MTHFD1L: variants seen among roughly 807,000 people sequenced by gnomAD.
MTHFD1L encodes the protein methylenetetrahydrofolate dehydrogenase (NADP+ dependent) 1 like.
Under a neutral mutation model 119.5 loss-of-function variants are expected in MTHFD1L, and 81 were observed. The observed-to-expected ratio is 0.68, with a 90% confidence interval of 0.57 to 0.82. The LOEUF is 0.82. Ranked by LOEUF, MTHFD1L falls within the 40% of genes least tolerant of loss-of-function variation. The pLI is 0.00. For missense variants in MTHFD1L, 1,125 were observed against 1,253.4 expected (o/e 0.90, Z 1.55); for synonymous variants, 430 against 475.2 (o/e 0.90, Z 1.24).
intron 26 of MTHFD1L, among the ~76,000 whole-genome samples, chr6:151,043,456 G>A (rs1425311054): frequency 6.6e-6 from 1 of 151,706 alleles, no homozygotes; most frequent in Non-Finnish European, 1.5e-5. Context: ...CAAAGAGACT[G>A]GGGTCTCACC....
intron 8 of MTHFD1L, among the ~76,000 whole-genome samples, chr6:150,906,716 C>T (rs747001086): frequency 7.9e-5 from 12 of 152,208 alleles, no homozygotes; most frequent in Non-Finnish European, 1.6e-4. Flanking sequence ...CCTTCTCCTC[C>T]ACCAGGACCA....
At chr6:151,040,722 A>G (rs548102813) in intron 26 of MTHFD1L, among the ~76,000 whole-genome samples, 8 of 152,306 alleles carry the variant, frequency 5.3e-5, no homozygotes, top group South Asian at 4.1e-4. Flanking sequence ...AAATGAAATA[A>G]AATAATAAAA....
chr6:150,886,834 A>AT (rs1289042250), intron 6 of MTHFD1L, among the ~76,000 whole-genome samples: 2 of 149,958 alleles, frequency 1.3e-5, no homozygotes, highest in South Asian at 2.1e-4. Context: ...ACCAAAAAAA[A>AT]TTTTTTTTTT....
chr6:151,034,511 A>T lies in MTHFD1L; in HGVS notation c.2605A>T (p.Ile869Leu). ...YDVQVPIVDK[I>L]RTIAQAVYGA... ...TCTCCAGGTTCCAATTGTGGACAAG[A>T]TAAGGACCATTGCTCAGGCTGTCTA... The change falls in exon 25 of 28, where the codon ATA (isoleucine) becomes TTA (leucine). Residue 869 changes from isoleucine to leucine, a missense_variant. Coordinates refer to ENST00000367321, the MANE Select transcript of MTHFD1L (RefSeq NM_015440.5). 1 of 1,611,112 alleles carries T rather than the reference A, an allele frequency of 6.2e-7. No homozygotes were observed.
chr6:150,885,940 C>CCT (rs1782177427), intron 6 of MTHFD1L, among the ~76,000 whole-genome samples: 2 of 152,064 alleles, frequency 1.3e-5, no homozygotes, highest in Admixed American at 6.6e-5. Flanking sequence ...TTGGGAGATA[C>CCT]AGATGAATAC....
intron 24 of MTHFD1L, among the ~76,000 whole-genome samples, chr6:151,026,496 A>G (rs1304184453): frequency 6.6e-6 from 1 of 152,250 alleles, no homozygotes; most frequent in Non-Finnish European, 1.5e-5. Context: ...TGTGATAGAA[A>G]GTGGCAGTGG....
At chr6:151,016,281 G>A (rs532686338) in intron 24 of MTHFD1L, among the ~76,000 whole-genome samples, 1 of 152,154 alleles carries the variant, frequency 6.6e-6, no homozygotes, top group African/African-American at 2.4e-5. Flanking sequence ...AGGAACAAGA[G>A]CAATTTCGTG....
chr6:150,904,767 G>C (rs1036704608), intron 7 of MTHFD1L, among the ~76,000 whole-genome samples: 2 of 152,140 alleles, frequency 1.3e-5, no homozygotes, highest in Non-Finnish European at 2.9e-5. Context: ...TCCCGCACTG[G>C]ATGATCAAAA....
At chr6:150,869,034 C>T (rs924783387) in intron 1 of MTHFD1L, among the ~76,000 whole-genome samples, 1 of 152,184 alleles carries the variant, frequency 6.6e-6, no homozygotes. Context: ...GCACTGCAGC[C>T]TGGGCAATGG....
At chr6:151,095,876 AC>A (rs1474504642) in intron 27 of MTHFD1L, among the ~76,000 whole-genome samples, 2 of 152,090 alleles carry the variant, frequency 1.3e-5, no homozygotes, top group Admixed American at 6.5e-5. Context: ...TCATTTTGCC[AC>A]CCCCATCACA....
chr6:151,008,798 C>G (rs1781760407), intron 20 of MTHFD1L, among the ~76,000 whole-genome samples: 1 of 152,094 alleles, frequency 6.6e-6, no homozygotes, highest in South Asian at 2.1e-4. Context: ...CTGGGTGGCA[C>G]TAAAATAAAT....
At chr6:151,005,199 C>T (rs571545076) in intron 20 of MTHFD1L, among the ~76,000 whole-genome samples, 105 of 152,188 alleles carry the variant, frequency 6.9e-4, no homozygotes, top group Admixed American at 1.1e-3. Flanking sequence ...CCCCTTCTCA[C>T]GAGATGGGTC....
rs77158942 is a variant in MTHFD1L, at chr6:150,875,920, G to C, written c.228-170G>C. 2,550 of 573,522 alleles carry C rather than the reference G, an allele frequency of 4.4e-3. 10 individuals carry two copies. The highest frequency in any genetic ancestry group is 6.0e-3 in the Non-Finnish European group (1,909 of 318,698). The allele number at this position is 573,522 out of a possible 1,614,324, so 35.5% of individuals were successfully genotyped here. On this transcript the variant is annotated intron_variant, in intron 1 of 27. Transcript: ENST00000367321. ...GCATTTTACCTTGTGTTAGTGTCTT[G>C]ATTTCATTGTTACGCCGCCTACCCC...
At chr6:150,904,774 A>G (rs1242306560) in intron 7 of MTHFD1L, among the ~76,000 whole-genome samples, 1 of 152,206 alleles carries the variant, frequency 6.6e-6, no homozygotes, top group Non-Finnish European at 1.5e-5. Context: ...CTGGATGATC[A>G]AAATGCAAAT....
intron 26 of MTHFD1L, among the ~76,000 whole-genome samples, chr6:151,080,879 C>T (rs1000318608): frequency 2.0e-5 from 3 of 152,106 alleles, no homozygotes; most frequent in Non-Finnish European, 4.4e-5. Context: ...GGATTAGGGC[C>T]CCATGCTTAT....
intron 26 of MTHFD1L, among the ~76,000 whole-genome samples, chr6:151,082,476 C>T (rs1372570201): frequency 6.6e-6 from 1 of 152,158 alleles, no homozygotes; most frequent in South Asian, 2.1e-4. Flanking sequence ...CTACAGAAAG[C>T]GTGACTTGTA....
chr6:150,898,984 T>C, intron 7 of MTHFD1L: 2 of 1,029,536 alleles, frequency 1.9e-6, no homozygotes, highest in Non-Finnish European at 2.3e-6. Context: ...GTCATTAAAG[T>C]ATATCCATTC....
At position 151,009,881 on chromosome 6, in the gene MTHFD1L, G is replaced by C; in HGVS notation, c.2188G>C (p.Ala730Pro). 1 of 1,613,864 alleles carries C rather than the reference G, an allele frequency of 6.2e-7. No individual in the cohort carries two copies. The highest frequency in any genetic ancestry group is 1.7e-4 in the Middle Eastern group (1 of 6,034). Residue 730 changes from alanine (A) to proline (P), a missense_variant, in exon 21 of 28, where the codon GCT becomes CCT. Transcript: ENST00000367321. ...MEKFFNIKCR[A>P]SGLVPNVVVL... Reference sequence around the variant, plus strand: ...GAAATTCTTCAACATCAAGTGCCGAGCTTCCGGCTTGGTGCCCAACGTGGT... The same window carrying C: ...GAAATTCTTCAACATCAAGTGCCGACCTTCCGGCTTGGTGCCCAACGTGGT...
intron 24 of MTHFD1L, among the ~76,000 whole-genome samples, chr6:151,024,917 G>A (rs371270252): frequency 2.0e-5 from 3 of 152,112 alleles, no homozygotes; most frequent in South Asian, 4.1e-4. Flanking sequence ...GAGTGTTCCT[G>A]GGCCCAGCAG....
Sources: allele counts gnomAD v4.1 joint callset (sites outside exome capture counted in the v4.1 genomes callset), GRCh38; gene constraint gnomAD v4.1.1; transcripts MANE v1.5; gene names NCBI Gene and HGNC (gene_info 2026-07-23, HGNC 2026-07-21).